Variants in ECT2 observed in about 807,000 individuals in gnomAD.
ECT2 encodes epithelial cell transforming 2.
A neutral mutation model predicts 116.9 loss-of-function variants in ECT2; 61 were observed. That is an observed-to-expected ratio of 0.52 (90% CI 0.42 to 0.65). ECT2 has a LOEUF of 0.65. Among genes scored for constraint, ECT2 ranks in the 30% least tolerant of loss-of-function variants. The pLI is 0.00. For missense variants in ECT2, 937 were observed against 1,078.7 expected, an observed-to-expected ratio of 0.87 and a Z score of 1.84; for synonymous variants, 358 against 346.4, an observed-to-expected ratio of 1.03 and a Z score of -0.37.
intron 18 of ECT2, among the ~76,000 whole-genome samples, chr3:172,797,051 T>TGTGTGTGTCA (rs1054019878): frequency 2.0e-5 from 3 of 151,448 alleles, no homozygotes; most frequent in African/African-American, 7.3e-5. Context: ...TGTGTGTGTG[T>TGTGTGTGTCA]GTCAGGGTCT....
In ECT2 at chr3:172,754,545, T is replaced by C; in HGVS notation, c.15T>C (p.Ser5=). 1.3e-6 allele frequency: 2 copies of C among 1,598,362 alleles called. No individual in the cohort carries two copies. Among genetic ancestry groups the C allele is most frequent in the South Asian group, 1.1e-5 (1 of 87,702 alleles). ...GAATACAAATCATGGCTGAAAATAG[T>C]GTATTAACATCCACTACTGGGAGGA... MAEN[S]VLTSTTGRTS... The change falls in exon 2 of 25, where the codon AGT becomes AGC. Residue 5 remains serine, a synonymous_variant. Coordinates refer to ENST00000392692, the MANE Select transcript of ECT2 (RefSeq NM_001258315.2).
At chr3:172,807,350 T>G (rs777518020) in intron 21 of ECT2, among the ~76,000 whole-genome samples, 10 of 152,226 alleles carry the variant, frequency 6.6e-5, no homozygotes, top group Non-Finnish European at 1.0e-4. Flanking sequence ...AATCCACAGA[T>G]GCAGACCCAC....
chr3:172,827,166 C>T, the ECT2 span, among the ~76,000 whole-genome samples: 1 of 152,106 alleles, frequency 6.6e-6, no homozygotes, highest in African/African-American at 2.4e-5. Flanking sequence ...TAAAGGGTGA[C>T]CCTTGTATAT....
rs745436204 is a variant in ECT2 at position 172,755,447 on chromosome 3, CT to C, written c.211-33del. ...CATCAGTGTGTAAATAGTTTCATAGCTTTCTTAACCTCATACTTAAGTCTCT... is the reference window on the plus strand; with the variant it reads ...CATCAGTGTGTAAATAGTTTCATAGCTTCTTAACCTCATACTTAAGTCTCT... On this transcript the variant is annotated intron_variant, in intron 3 of 24. Transcript: ENST00000392692. 9 of 1,501,168 alleles carry C rather than the reference CT, an allele frequency of 6.0e-6. No homozygotes were observed. The Middle Eastern group carries it at 5.2e-4, about 87-fold the overall frequency. 93.0% of individuals were successfully genotyped at this position (1,501,168 alleles called of 1,614,324 possible).
chr3:172,803,733 T>A (rs1727142239), intron 20 of ECT2, among the ~76,000 whole-genome samples: 1 of 152,128 alleles, frequency 6.6e-6, no homozygotes, highest in Non-Finnish European at 1.5e-5. Flanking sequence ...TCAAAATGAT[T>A]AAGGAGTTTC....
At chr3:172,779,952 C>T (rs996687156) in intron 14 of ECT2, among the ~76,000 whole-genome samples, 5 of 151,538 alleles carry the variant, frequency 3.3e-5, no homozygotes, top group African/African-American at 9.7e-5. Flanking sequence ...ATAACTTAAC[C>T]AAGTGGTACA....
intron 1 of ECT2, among the ~76,000 whole-genome samples, chr3:172,753,978 G>T (rs1276878352): frequency 6.6e-6 from 1 of 152,134 alleles, no homozygotes; most frequent in Non-Finnish European, 1.5e-5. Context: ...GTAAAGTTGT[G>T]TGGAGCTGGT....
Position 172,757,001 on chromosome 3 carries a change from G to A in ECT2, c.322G>A (p.Val108Ile), listed in dbSNP as rs749265031. The change falls in exon 5 of 25, where the codon GTA (valine) becomes ATA (isoleucine). Residue 108 changes from valine (V) to isoleucine (I), a missense_variant. Transcript: ENST00000392692. ...TGAAAAGGACATTAAAGTGGGCTTT[G>A]TAAAGATGGAGTCAGTGGAAGAATT... ...VINMDIKVGF[V>I]KMESVEEFEG... 1.1e-5 allele frequency: 17 copies of A among 1,605,748 alleles called. No individual in the cohort carries two copies. The East Asian group carries it at 3.6e-4, about 34-fold the overall frequency.
chr3:172,783,940 G>A (rs990598540), intron 16 of ECT2, 31 bp downstream of exon 16: 24 of 1,433,502 alleles, frequency 1.7e-5, no homozygotes, highest in Non-Finnish European at 2.2e-5. Flanking sequence ...ATAAAAATTT[G>A]AGAATTATTT....
intron 12 of ECT2, among the ~76,000 whole-genome samples, chr3:172,766,110 G>A (rs943310584): frequency 1.3e-5 from 2 of 152,146 alleles, no homozygotes; most frequent in Non-Finnish European, 2.9e-5. Flanking sequence ...TTTATCCTCA[G>A]ACCCTAGTAT....
rs148151130 is a variant in ECT2, at chr3:172,760,199, G to A, written c.620G>A (p.Arg207Gln). The A allele has an allele frequency of 3.1e-6, 5 of 1,612,216 alleles. No individual in the cohort carries two copies. The highest frequency in any genetic ancestry group is 2.2e-5 in the East Asian group (1 of 44,712). ...GTCCATCACATGGGTGGAGTTATTC[G>A]AAAAGACTTTAATTCAAAAGTTACA... Reference protein sequence around the residue: ...TLVHHMGGVIRKDFNSKVTHL... With the variant: ...TLVHHMGGVIQKDFNSKVTHL... The change falls in exon 7 of 25, where the codon CGA becomes CAA. Residue 207 changes from arginine to glutamine, a missense_variant. Coordinates refer to ENST00000392692, the MANE Select transcript of ECT2 (RefSeq NM_001258315.2).
At chr3:172,822,939 G>A (rs1330033094), downstream of ECT2, among the ~76,000 whole-genome samples, 1 of 151,980 alleles carries the variant, frequency 6.6e-6, no homozygotes, top group African/African-American at 2.4e-5. Context: ...AATACTAGAA[G>A]GGGGTAGAAA....
chr3:172,768,874 T>G, intron 12 of ECT2, 133 bp from the exon 13 acceptor site: 11 of 1,084,082 alleles, frequency 1.0e-5, no homozygotes, highest in Non-Finnish European at 1.4e-5. Context: ...AGAAAAAAAT[T>G]TTTTATTGGA....
chr3:172,770,337 G>C (rs898557597), intron 13 of ECT2, among the ~76,000 whole-genome samples: 1 of 152,120 alleles, frequency 6.6e-6, no homozygotes, highest in Non-Finnish European at 1.5e-5. Flanking sequence ...ATGCATTGAA[G>C]TTTCAGAATT....
At chr3:172,810,284 A>G (rs1172393020) in intron 22 of ECT2, among the ~76,000 whole-genome samples, 4 of 152,054 alleles carry the variant, frequency 2.6e-5, no homozygotes, top group African/African-American at 9.7e-5. Context: ...ATTTCTTTTG[A>G]AATTTTTCAA....
chr3:172,761,628 A>C lies in ECT2; in HGVS notation c.703A>C (p.Thr235Pro). ...EKFRVAVSLG[T>P]PIMKPEWIYK... is the part of the protein sequence containing the mutation. ...TTTTTAGGTTGCTGTGAGTCTAGGT[A>C]CTCCAATTATGAAGCCAGAATGGAT... is the stretch of plus-strand genomic sequence containing the variant. Residue 235 changes from threonine (T) to proline (P), a missense_variant, in exon 8 of 25, where the codon ACT becomes CCT. By Grantham distance (38) the Thr-to-Pro change is conservative. Transcript: ENST00000392692. The C allele has an allele frequency of 6.2e-7, 1 of 1,610,754 alleles. No individual in the cohort carries two copies.
chr3:172,825,193 C>T (rs1577065523), downstream of ECT2, among the ~76,000 whole-genome samples: 1 of 152,158 alleles, frequency 6.6e-6, no homozygotes, highest in East Asian at 1.9e-4. Context: ...TCTGGGGCAC[C>T]ACAAACTGCA....
In ECT2 at chr3:172,786,490, C is replaced by T. The variant is rs1362050646; in HGVS notation, c.1826-3C>T. 1 of 1,595,340 alleles carries T rather than the reference C, an allele frequency of 6.3e-7. No homozygotes were observed. Among genetic ancestry groups the T allele is most frequent in the Non-Finnish European group, 8.6e-7 (1 of 1,167,134 alleles). The stretch of plus-strand genomic sequence containing the variant: ...GCATGGAAAAAACATTGTATTATTA[C>T]AGATCTTAAGAAGCATACAGCTGAT... On this transcript the variant is annotated splice_polypyrimidine_tract_variant and splice_region_variant and intron_variant, in intron 17 of 24. Transcript: ENST00000392692.
At chr3:172,823,546 T>G (rs1299551772), downstream of ECT2, among the ~76,000 whole-genome samples, 3 of 152,164 alleles carry the variant, frequency 2.0e-5, no homozygotes, top group Non-Finnish European at 4.4e-5. Flanking sequence ...GAGGGAAGTT[T>G]AGTACAGGCA....
Sources: gnomAD v4.1 joint callset for allele counts (sites outside exome capture counted in the v4.1 genomes callset) on GRCh38, gnomAD v4.1.1 for gene constraint, MANE v1.5 for transcripts, NCBI Gene and HGNC (gene_info 2026-07-23, HGNC 2026-07-21) for gene names.